The following CHIA variants were observed in gnomAD, a reference collection of about 807,000 sequenced individuals.
CHIA encodes acidic mammalian chitinase.
A neutral mutation model predicts 53.5 loss-of-function variants in CHIA; 47 were observed. That is an observed-to-expected ratio of 0.88 (90% confidence interval 0.70 to 1.12). The LOEUF is 1.12. Among genes scored for constraint, CHIA ranks in the 50% most tolerant of loss-of-function variants. The pLI, the probability that CHIA is intolerant of heterozygous loss-of-function variation, is 0.00. For synonymous variants in CHIA, 268 were observed against 222.2 expected (o/e 1.21, Z -1.83); for missense variants, 652 against 592.2 (o/e 1.10, Z -1.05).
intron 6 of CHIA, chr1:111,316,554 A>G (rs2786160): frequency 0.16 from 24,978 of 152,146 alleles, 2,768 homozygotes; most frequent in African/African-American, 0.32. Flanking sequence ...GATGGGTTTG[A>G]TTTTAATGCT....
intron 2 of CHIA, 50 bp downstream of exon 2, chr1:111,310,542 C>A (rs747542446): frequency 6.8e-6 from 11 of 1,612,876 alleles, no homozygotes; most frequent in African/African-American, 1.3e-5. Context: ...GTTTCTTTTT[C>A]TCTCACAGGC....
rs1315645618 is a variant in CHIA at position 111,312,690 on chromosome 1, C to T, written c.257+299C>T. On this transcript the variant is annotated intron_variant, in intron 4 of 11. Coordinates refer to ENST00000369740, the MANE Select transcript of CHIA (RefSeq NM_201653.4). ...TGTACTGTTTGCAATTTTCAAAATA[C>T]AATATATTGTTACTAACAATAGTAA... 2.6e-5 allele frequency among the ~76,000 whole-genome samples: 4 copies of T among 152,210 alleles called. No individual in the cohort carries two copies. In the East Asian group the frequency reaches 7.7e-4, roughly 29 times the overall value.
chr1:111,312,650 T>G (rs2101640077), intron 4 of CHIA, among the ~76,000 whole-genome samples: 1 of 152,298 alleles, frequency 6.6e-6, no homozygotes. Flanking sequence ...TTTTTTGTGG[T>G]GAGAACACTT....
chr1:111,296,427 A>T (rs1192757032), intron 1 of CHIA, among the ~76,000 whole-genome samples: 1 of 152,196 alleles, frequency 6.6e-6, no homozygotes, highest in Non-Finnish European at 1.5e-5. Context: ...TACCCAGGCA[A>T]ACAGGGTCTG....
At chr1:111,297,901 C>CA (rs1188512345) in intron 1 of CHIA, among the ~76,000 whole-genome samples, 594 of 31,816 alleles carry the variant, frequency 0.019, 43 homozygotes, top group African/African-American at 0.037. Flanking sequence ...AAATGGAAAG[C>CA]AAAAAAAAAA....
chr1:111,312,303 G>T lies in CHIA; in HGVS notation c.169G>T (p.Ala57Ser), dbSNP rs182022651. Residue 57 changes from alanine to serine, a missense_variant, in exon 4 of 12, where the codon GCC becomes TCC. Coordinates refer to ENST00000369740, the MANE Select transcript of CHIA (RefSeq NM_201653.4). ...DPCLCTHLIY[A>S]FAGRQNNEIT... is the part of the protein sequence containing the mutation. ...CTGCCTCTGTACCCACCTGATCTAC[G>T]CCTTTGCTGGGAGGCAGAACAACGA... 3 of 1,613,730 alleles carry T rather than the reference G, an allele frequency of 1.9e-6. No individual in the cohort carries two copies. In the African/African-American group the frequency reaches 4.0e-5, roughly 22 times the overall value.
chr1:111,291,930 G>A (rs1030220416), intron 1 of CHIA, among the ~76,000 whole-genome samples: 4 of 151,998 alleles, frequency 2.6e-5, no homozygotes, highest in African/African-American at 9.7e-5. Flanking sequence ...AGCCACCATG[G>A]CACATGTTTA....
At chr1:111,297,910 AAAAAAAAAAAAAAAAC>A (rs1214863033) in intron 1 of CHIA, among the ~76,000 whole-genome samples, 1 of 147,236 alleles carries the variant, frequency 6.8e-6, no homozygotes, top group Non-Finnish European at 1.5e-5. Context: ...GCAAAAAAAA[AAAAAAAAAAAAAAAAC>A]AAGCAGGGGT....
intron 6 of CHIA, chr1:111,317,271 C>T (rs756904698): frequency 4.4e-5 from 8 of 180,764 alleles, no homozygotes; most frequent in Non-Finnish European, 9.6e-5. Flanking sequence ...GGCCAATACA[C>T]CATTTTATTT....
Position 111,299,014 on chromosome 1 carries a change from T to A in CHIA, c.-69+8064T>A, listed in dbSNP as rs146328577. 2.1e-3 allele frequency among the ~76,000 whole-genome samples: 325 copies of A among 152,226 alleles called. 2 individuals are homozygous for A. Among genetic ancestry groups the A allele is most frequent in the African/African-American group, 7.5e-3 (310 of 41,502 alleles). ...ATAAATGGATAAATTCCTGGACACA[T>A]ACATCCTCCCAAGACTAAACCAGGA... On this transcript the variant is annotated intron_variant, in intron 1 of 11. Transcript: ENST00000369740.
intron 6 of CHIA, chr1:111,315,705 C>A: frequency 1.9e-6 from 1 of 525,838 alleles, no homozygotes. Flanking sequence ...GGCATACATA[C>A]TATAAGTGTT....
intron 1 of CHIA, among the ~76,000 whole-genome samples, chr1:111,309,788 C>A (rs954309172): frequency 2.0e-5 from 3 of 152,194 alleles, no homozygotes; most frequent in Admixed American, 1.3e-4. Flanking sequence ...TATATTATTT[C>A]TATCCATTAG....
At chr1:111,299,401 G>T (rs946836089) in intron 1 of CHIA, among the ~76,000 whole-genome samples, 1 of 152,142 alleles carries the variant, frequency 6.6e-6, no homozygotes, top group Non-Finnish European at 1.5e-5. Flanking sequence ...CGATCAAGTT[G>T]GCTTCATCCC....
At chr1:111,318,835 A>G (rs139832889) in intron 9 of CHIA, among the ~76,000 whole-genome samples, 157 bp downstream of exon 9, 456 of 152,362 alleles carry the variant, frequency 3.0e-3, no homozygotes, top group African/African-American at 0.011. Context: ...ACATAATCCA[A>G]ATGAATAGCA....
intron 1 of CHIA, among the ~76,000 whole-genome samples, chr1:111,294,081 CA>C (rs1355225655): frequency 6.6e-6 from 1 of 152,004 alleles, no homozygotes; most frequent in African/African-American, 2.4e-5. Flanking sequence ...GACCCTGTCT[CA>C]AAAAACAATG....
intron 3 of CHIA, 148 bp downstream of exon 3, chr1:111,311,866 C>T (rs1557742804): frequency 1.2e-6 from 1 of 825,544 alleles, no homozygotes. Context: ...CTGCTATCCT[C>T]TTCAGCATGA....
At chr1:111,298,269 A>G (rs1647375680) in intron 1 of CHIA, among the ~76,000 whole-genome samples, 1 of 152,206 alleles carries the variant, frequency 6.6e-6, no homozygotes, top group Non-Finnish European at 1.5e-5. Context: ...AGAACTCTCC[A>G]CCCCAAATCA....
intron 1 of CHIA, among the ~76,000 whole-genome samples, chr1:111,295,585 C>T (rs1460663898): frequency 4.0e-5 from 6 of 151,860 alleles, no homozygotes; most frequent in Non-Finnish European, 7.4e-5. Context: ...GTGATCAACG[C>T]AGAAGACAGG....
intron 1 of CHIA, among the ~76,000 whole-genome samples, chr1:111,298,274 A>G (rs1647376615): frequency 6.6e-6 from 1 of 152,202 alleles, no homozygotes; most frequent in African/African-American, 2.4e-5. Flanking sequence ...TCTCCACCCC[A>G]AATCAACAGA....
Sources: gnomAD v4.1 joint callset for allele counts (sites outside exome capture counted in the v4.1 genomes callset) on GRCh38, gnomAD v4.1.1 for gene constraint, MANE v1.5 for transcripts, NCBI Gene and HGNC (gene_info 2026-07-23, HGNC 2026-07-21) for gene names.